ODAD3: variants seen among roughly 807,000 people sequenced by gnomAD.
The protein encoded by ODAD3 is outer dynein arm-docking complex subunit 3.
ODAD3 carries 57 observed loss-of-function variants against 70.9 expected under a neutral mutation model. The ratio of observed to expected loss-of-function variants is 0.80; its 90% CI spans 0.65 to 1.00. The LOEUF is 1.00. Among genes scored for constraint, ODAD3 ranks in the 50% least tolerant of loss-of-function variants. The pLI, the probability that ODAD3 is intolerant of heterozygous loss-of-function variation, is 0.00. For synonymous variants in ODAD3, 327 were observed against 315.9 expected (o/e 1.04, Z -0.37); for missense variants, 797 against 763.9 (o/e 1.04, Z -0.51).
chr19:11,425,312 CATATGTGTATATGTACATATGTGTAT>C (rs1969303322), intron 7 of ODAD3, among the ~76,000 whole-genome samples: 3 of 99,592 alleles, frequency 3.0e-5, no homozygotes, highest in Admixed American at 1.8e-4. Flanking sequence ...TGTATGTGTA[CATATGTGTATATGTACATATGTGTAT>C]ATATGTATAT....
intron 8 of ODAD3, among the ~76,000 whole-genome samples, chr19:11,423,476 G>A (rs1483286837): frequency 6.6e-6 from 1 of 152,170 alleles, no homozygotes; most frequent in African/African-American, 2.4e-5. Flanking sequence ...CCGGCGCAGG[G>A]ACCCCACTTG....
At chr19:11,427,209 C>T (rs1023429539) in intron 3 of ODAD3, among the ~76,000 whole-genome samples, 169 bp from the exon 4 acceptor site, 1 of 152,204 alleles carries the variant, frequency 6.6e-6, no homozygotes, top group African/African-American at 2.4e-5. Context: ...GAGAGAGCAC[C>T]GGAGTCTTCT....
intron 1 of ODAD3, 56 bp downstream of exon 1, chr19:11,434,717 A>T: frequency 1.3e-6 from 2 of 1,543,682 alleles, no homozygotes; most frequent in Admixed American, 3.9e-5. Flanking sequence ...CACACCATGA[A>T]GATTGGATGG....
chr19:11,431,778 C>CAA lies in ODAD3; in HGVS notation c.245-760_245-759dup, dbSNP rs34565793. 6.8e-3 allele frequency among the ~76,000 whole-genome samples: 869 copies of CAA among 127,062 alleles called. 14 individuals carry two copies. The highest frequency in any genetic ancestry group is 0.023 in the African/African-American group (813 of 34,964). 83.4% of individuals were successfully genotyped at this position (127,062 alleles called of 152,430 possible). On this transcript the variant is annotated intron_variant, in intron 1 of 12. Transcript: ENST00000356392. ...TGAAATCCCGCCTCTACTAAAAATA[C>CAA]AAAAAAAAAAAAAAATTAGCCGTGC... is the stretch of plus-strand genomic sequence containing the variant.
intron 7 of ODAD3, 27 bp downstream of exon 7, chr19:11,426,117 C>T: frequency 6.3e-7 from 1 of 1,596,790 alleles, no homozygotes; most frequent in Non-Finnish European, 8.5e-7. Context: ...GCTGGAGTCA[C>T]AGGCGCGCAC....
intron 7 of ODAD3, among the ~76,000 whole-genome samples, chr19:11,424,608 T>C (rs1969227744): frequency 7.5e-6 from 1 of 132,948 alleles, no homozygotes; most frequent in Admixed American, 7.4e-5. Context: ...TATATATGTG[T>C]ATATATACCT....
Position 11,422,674 on chromosome 19 carries a change from G to T in ODAD3, c.1277+27C>A. 1.2e-6 allele frequency: 2 copies of T among 1,606,362 alleles called. No homozygotes were observed. Among genetic ancestry groups the T allele is most frequent in the Non-Finnish European group, 8.5e-7 (1 of 1,176,278 alleles). ...CCCCGGGGGCTCAGCCCGCCCCGCC[G>T]CCCTCCCCAGAGCCCCGGTGCCTCA... On this transcript the variant is annotated intron_variant, in intron 9 of 12. Coordinates refer to ENST00000356392, the MANE Select transcript of ODAD3 (RefSeq NM_145045.5). The surrounding 1 kb of genome is among the most constrained non-coding windows in gnomAD (Gnocchi z 4.6).
Position 11,435,037 on chromosome 19 carries a change from C to A in ODAD3, c.-21G>T, listed in dbSNP as rs771743710. The A allele has an allele frequency of 2.5e-5, 40 of 1,596,916 alleles. No individual in the cohort carries two copies. The highest frequency in any genetic ancestry group is 3.2e-5 in the Non-Finnish European group (38 of 1,173,864). ...GTCATGATGGGGTTGGGGCTGAAGGCCCCTAGGGGTTAGGGGGATAACTAG... is the reference window on the plus strand; with the variant it reads ...GTCATGATGGGGTTGGGGCTGAAGGACCCTAGGGGTTAGGGGGATAACTAG... On this transcript the variant is annotated 5_prime_UTR_variant, in exon 1 of 13. Coordinates refer to ENST00000356392, the MANE Select transcript of ODAD3 (RefSeq NM_145045.5).
chr19:11,425,354 T>C (rs1293540906), intron 7 of ODAD3, among the ~76,000 whole-genome samples: 21 of 120,846 alleles, frequency 1.7e-4, no homozygotes, highest in African/African-American at 5.9e-4. Context: ...TATATATGTG[T>C]ATATGTACAT....
chr19:11,421,885 G>T, intron 10 of ODAD3, 53 bp from the exon 11 acceptor site: 2 of 1,561,932 alleles, frequency 1.3e-6, no homozygotes, highest in Non-Finnish European at 1.7e-6. Context: ...CTCTTGGAAG[G>T]CTCCACCCAG....
intron 10 of ODAD3, among the ~76,000 whole-genome samples, 168 bp from the exon 11 acceptor site, chr19:11,422,000 G>T (rs754712542): frequency 1.1e-4 from 17 of 152,076 alleles, no homozygotes; most frequent in Non-Finnish European, 2.5e-4. Context: ...CCACGTCTGT[G>T]ATGGGGGAGC....
Position 11,422,951 on chromosome 19 carries a change from G to A in ODAD3, c.1117-90C>T. The A allele has an allele frequency of 1.4e-6, 2 of 1,452,182 alleles. No individual in the cohort carries two copies. Among genetic ancestry groups the A allele is most frequent in the Admixed American group, 2.1e-5 (1 of 46,676 alleles). The allele number at this position is 1,452,182 out of a possible 1,614,324, so 90.0% of individuals were successfully genotyped here. On this transcript the variant is annotated intron_variant, in intron 8 of 12. Transcript: ENST00000356392. The surrounding 1 kb of genome is among the most constrained non-coding windows in gnomAD (Gnocchi z 4.6). ...TCCCCCACCCTGCGAACCCTCGCAC[G>A]CAGGACAGGTGGCCTGAGCTGGCGC... is the stretch of plus-strand genomic sequence containing the variant.
At chr19:11,423,354 C>G (rs1969186823) in intron 8 of ODAD3, among the ~76,000 whole-genome samples, 1 of 152,176 alleles carries the variant, frequency 6.6e-6, no homozygotes, top group Non-Finnish European at 1.5e-5. Context: ...GGTTGGCGGA[C>G]ACCCAGAGGG....
At chr19:11,423,545 T>G (rs1445793642) in intron 8 of ODAD3, among the ~76,000 whole-genome samples, 1 of 152,106 alleles carries the variant, frequency 6.6e-6, no homozygotes, top group East Asian at 1.9e-4. Context: ...TTACAGACAC[T>G]GGAGACAGAA....
At chr19:11,435,542 C>T (rs980677168), upstream of ODAD3, 4 of 543,818 alleles carry the variant, frequency 7.4e-6, no homozygotes, top group East Asian at 6.7e-5. Flanking sequence ...GCACCGCCCC[C>T]ACTCCTGCCT....
rs757027245 is a variant in ODAD3, at chr19:11,421,116, A to G, written c.1675+12T>C. The G allele has an allele frequency of 4.4e-6, 7 of 1,602,308 alleles. No homozygotes were observed. Among genetic ancestry groups the G allele is most frequent in the Non-Finnish European group, 6.0e-6 (7 of 1,176,168 alleles). On this transcript the variant is annotated intron_variant, in intron 12 of 12. Transcript: ENST00000356392. ...CCCAACCGCACCCCTTCATCCCCCCACCCATACTGACCAAAAAACTTGTCC... is the reference window on the plus strand; with the variant it reads ...CCCAACCGCACCCCTTCATCCCCCCGCCCATACTGACCAAAAAACTTGTCC...
chr19:11,425,551 A>G (rs1179975686), intron 7 of ODAD3, among the ~76,000 whole-genome samples: 1 of 131,772 alleles, frequency 7.6e-6, no homozygotes, highest in Admixed American at 7.3e-5. Flanking sequence ...ATGTATGTAT[A>G]TATGTATATA....
chr19:11,424,126 A>G, intron 7 of ODAD3, 97 bp from the exon 8 acceptor site: 1 of 1,448,976 alleles, frequency 6.9e-7, no homozygotes, highest in Non-Finnish European at 9.4e-7. Context: ...CGCGAGGAAC[A>G]GGGCTCAAAC....
chr19:11,435,665 C>G (rs115820640), upstream of ODAD3: 4,427 of 1,298,014 alleles, frequency 3.4e-3, 133 homozygotes, highest in African/African-American at 0.06. Flanking sequence ...GGCTGCTGGA[C>G]AAGAGGGGTG....
Sources: gnomAD v4.1 joint callset for allele counts (sites outside exome capture counted in the v4.1 genomes callset) on GRCh38, gnomAD v4.1.1 for gene constraint, Gnocchi (gnomAD v3.1) non-coding constraint, MANE v1.5 for transcripts, NCBI Gene and HGNC (gene_info 2026-07-23, HGNC 2026-07-21) for gene names.